The following VEGFC variants were observed in gnomAD, a reference collection of about 807,000 sequenced individuals.
The protein encoded by VEGFC is vascular endothelial growth factor C.
In VEGFC, 12 loss-of-function variants were observed where a neutral mutation model predicts 46.1. The ratio of observed to expected loss-of-function variants is 0.26; its 90% CI spans 0.17 to 0.42. VEGFC has a LOEUF of 0.42. VEGFC is among the 10% of genes least tolerant of loss of function. The pLI, the probability that VEGFC is intolerant of heterozygous loss-of-function variation, is 1.00. For missense variants in VEGFC, 488 were observed against 529.4 expected, an observed-to-expected ratio of 0.92 and a Z score of 0.77; for synonymous variants, 232 against 195.5, an observed-to-expected ratio of 1.19 and a Z score of -1.56.
chr4:176,743,938 A>G (rs2220230), intron 1 of VEGFC, among the ~76,000 whole-genome samples: 107,188 of 151,838 alleles, frequency 0.71, 43,730 homozygotes, highest in East Asian at 0.93. Context: ...CAATATTTTC[A>G]TTTCCAAAAA....
chr4:176,727,892 G>C lies in VEGFC; in HGVS notation c.438C>G (p.Val146=). ...VCIDVGKEFG[V]ATNTFFKPPC... is the part of the protein sequence containing the mutation. Reference sequence around the variant, plus strand: ...GAGGTTTAAAGAAGGTGTTTGTCGCGACTCCAAACTCCTTCCCCACATCTA... The same window carrying C: ...GAGGTTTAAAGAAGGTGTTTGTCGCCACTCCAAACTCCTTCCCCACATCTA... Residue 146 remains valine, a synonymous_variant, in exon 3 of 7, where the codon GTC becomes GTG. Transcript: ENST00000618562. 6.2e-7 allele frequency: 1 copy of C among 1,613,488 alleles called. No individual in the cohort carries two copies.
At chr4:176,739,126 A>G (rs996738305) in intron 1 of VEGFC, among the ~76,000 whole-genome samples, 1 of 152,032 alleles carries the variant, frequency 6.6e-6, no homozygotes, top group African/African-American at 2.4e-5. Flanking sequence ...TCCAATCAGA[A>G]TGGCTATTAT....
At chr4:176,749,221 C>T (rs1199640674) in intron 1 of VEGFC, among the ~76,000 whole-genome samples, 1 of 151,802 alleles carries the variant, frequency 6.6e-6, no homozygotes, top group African/African-American at 2.4e-5. Context: ...ACCTTAAAAA[C>T]ACTCAAGTCC....
chr4:176,724,739 CACAAG>C (rs1273441206), intron 3 of VEGFC, among the ~76,000 whole-genome samples: 1 of 152,138 alleles, frequency 6.6e-6, no homozygotes, highest in Non-Finnish European at 1.5e-5. Flanking sequence ...GCACTGGAAG[CACAAG>C]ATCAAGAATC....
intron 1 of VEGFC, among the ~76,000 whole-genome samples, chr4:176,760,822 G>T (rs766023957): frequency 6.6e-6 from 1 of 152,028 alleles, no homozygotes; most frequent in Non-Finnish European, 1.5e-5. Context: ...TTAAAGAACC[G>T]AAGAAATGCG....
chr4:176,717,626 C>CA (rs1408503191), intron 3 of VEGFC, among the ~76,000 whole-genome samples: 2 of 151,898 alleles, frequency 1.3e-5, no homozygotes, highest in Non-Finnish European at 2.9e-5. Context: ...AAATATGACA[C>CA]AAAAAATGCC....
intron 1 of VEGFC, among the ~76,000 whole-genome samples, chr4:176,745,838 C>G (rs1396655207): frequency 6.6e-6 from 1 of 152,042 alleles, no homozygotes; most frequent in Non-Finnish European, 1.5e-5. Context: ...AAAGAGATAT[C>G]TTTTTGCAAA....
intron 4 of VEGFC, among the ~76,000 whole-genome samples, chr4:176,698,031 G>A (rs2110981933): frequency 6.6e-6 from 1 of 151,916 alleles, no homozygotes; most frequent in South Asian, 2.1e-4. Flanking sequence ...TATACCTAAT[G>A]GTAGATGACA....
At chr4:176,721,715 G>GGA (rs1249542814) in intron 3 of VEGFC, among the ~76,000 whole-genome samples, 1 of 152,172 alleles carries the variant, frequency 6.6e-6, no homozygotes, top group Non-Finnish European at 1.5e-5. Flanking sequence ...AAAAAGAATA[G>GGA]GATTCACTTA....
intron 1 of VEGFC, among the ~76,000 whole-genome samples, chr4:176,784,795 T>C (rs1039140275): frequency 9.2e-6 from 1 of 108,536 alleles, no homozygotes. Context: ...AGTAACTAAA[T>C]ACACAAAACA....
intron 6 of VEGFC, 115 bp downstream of exon 6, chr4:176,687,072 A>G: frequency 8.7e-7 from 1 of 1,148,108 alleles, no homozygotes. Flanking sequence ...TTTGTCTTTC[A>G]GAATGTATTG....
intron 1 of VEGFC, among the ~76,000 whole-genome samples, chr4:176,762,343 C>T (rs1436488314): frequency 1.3e-5 from 2 of 152,124 alleles, no homozygotes; most frequent in African/African-American, 4.8e-5. Flanking sequence ...TTTCATGTAT[C>T]ATGGGTTCTA....
At chr4:176,756,567 G>A (rs760749552) in intron 1 of VEGFC, among the ~76,000 whole-genome samples, 12 of 151,956 alleles carry the variant, frequency 7.9e-5, no homozygotes, top group African/African-American at 1.7e-4. Flanking sequence ...AGAAAGAGCC[G>A]TAGCCTTTTG....
Position 176,751,970 on chromosome 4 carries a change from GA to G in VEGFC, c.148-22225del, listed in dbSNP as rs143635855. On this transcript the variant is annotated intron_variant, in intron 1 of 6. Coordinates refer to ENST00000618562, the MANE Select transcript of VEGFC (RefSeq NM_005429.5). ...CTGTATATTTGGAATATGTCATAAA[GA>G]AAAAAAAAATAAATGGATAAATTTC... is the stretch of plus-strand genomic sequence containing the variant. Among the ~76,000 whole-genome samples, 124 of 143,978 alleles carry G rather than the reference GA, an allele frequency of 8.6e-4. 1 individual carries two copies. The highest frequency in any genetic ancestry group is 6.3e-3 in the South Asian group (29 of 4,590). 94.5% of individuals were successfully genotyped at this position (143,978 alleles called of 152,430 possible). A position where few individuals can be genotyped will look rare whatever the true frequency, so the allele number is the denominator to read the frequency against.
chr4:176,777,703 C>G (rs1450292727), intron 1 of VEGFC, among the ~76,000 whole-genome samples: 2 of 149,212 alleles, frequency 1.3e-5, no homozygotes, highest in Non-Finnish European at 2.9e-5. Flanking sequence ...AGGCGGATCA[C>G]AAGGTCAGGA....
rs906251723 is a variant in VEGFC at position 176,791,694 on chromosome 4, G to T, written c.147+471C>A. ...TCCCTGACACTTTTTTTCTAAAGTC[G>T]CTCACAGCGCCTGGTGCTCTGCAGA... On this transcript the variant is annotated intron_variant, in intron 1 of 6. Coordinates refer to ENST00000618562, the MANE Select transcript of VEGFC (RefSeq NM_005429.5). Among the ~76,000 whole-genome samples the T allele has an allele frequency of 5.3e-5, 8 of 152,152 alleles. No homozygotes were observed. In the South Asian group the frequency reaches 8.3e-4, roughly 16 times the overall value.
At chr4:176,771,382 T>C (rs1017856647) in intron 1 of VEGFC, among the ~76,000 whole-genome samples, 1 of 152,166 alleles carries the variant, frequency 6.6e-6, no homozygotes, top group African/African-American at 2.4e-5. Flanking sequence ...CCATGTCAAA[T>C]CCCTCTTAAG....
Position 176,740,073 on chromosome 4 carries a change from ATAT to A in VEGFC, c.148-10330_148-10328del, listed in dbSNP as rs1560951479. ...CGATATATAGAATATATATAACTAT[ATAT>A]TATATATTCTATATATTCTATACAT... On this transcript the variant is annotated intron_variant, in intron 1 of 6. Coordinates refer to ENST00000618562, the MANE Select transcript of VEGFC (RefSeq NM_005429.5). Among the ~76,000 whole-genome samples the A allele has an allele frequency of 3.3e-4, 39 of 117,690 alleles. 2 individuals carry two copies. The highest frequency in any genetic ancestry group is 1.2e-3 in the African/African-American group (39 of 31,318). 77.2% of individuals were successfully genotyped at this position (117,690 alleles called of 152,430 possible).
chr4:176,776,656 GA>G (rs1735818475), intron 1 of VEGFC, among the ~76,000 whole-genome samples: 1 of 152,194 alleles, frequency 6.6e-6, no homozygotes, highest in Non-Finnish European at 1.5e-5. Flanking sequence ...GGTCAGAAAA[GA>G]ATCATCACAT....
Sources: gnomAD v4.1 joint callset for allele counts (sites outside exome capture counted in the v4.1 genomes callset) on GRCh38, gnomAD v4.1.1 for gene constraint, MANE v1.5 for transcripts, NCBI Gene and HGNC (gene_info 2026-07-23, HGNC 2026-07-21) for gene names.